The following CLSTN2 variants were observed in gnomAD, a reference collection of about 807,000 sequenced individuals.
CLSTN2 encodes the protein calsyntenin-2.
A neutral mutation model predicts 101.2 loss-of-function variants in CLSTN2; 48 were observed. The ratio of observed to expected loss-of-function variants is 0.47; its 90% CI spans 0.38 to 0.60. CLSTN2 has a LOEUF of 0.60. Among genes scored for constraint, CLSTN2 ranks in the 20% least tolerant of loss-of-function variants. The probability of loss-of-function intolerance (pLI) is 0.00; values close to 1 mark genes in which losing one functional copy is unlikely to be tolerated. For missense variants in CLSTN2, 1,160 were observed against 1,238.2 expected (o/e 0.94, Z 0.95); for synonymous variants, 481 against 463.6 (o/e 1.04, Z -0.48).
chr3:140,528,866 T>G (rs551146834), intron 8 of CLSTN2, among the ~76,000 whole-genome samples: 2 of 152,364 alleles, frequency 1.3e-5, no homozygotes, highest in African/African-American at 4.8e-5. Context: ...TTTTGTGTAC[T>G]TGATACAGCC....
intron 1 of CLSTN2, among the ~76,000 whole-genome samples, chr3:140,123,167 G>A (rs923344115): frequency 1.4e-4 from 18 of 128,256 alleles, no homozygotes; most frequent in East Asian, 2.8e-4. Flanking sequence ...CCTCCAGGGC[G>A]GGGGGGTGGG....
chr3:140,166,181 C>T (rs1419769925), intron 1 of CLSTN2, among the ~76,000 whole-genome samples: 1 of 152,164 alleles, frequency 6.6e-6, no homozygotes, highest in Non-Finnish European at 1.5e-5. Flanking sequence ...ATTTCAAGTG[C>T]CCATTGCCAA....
intron 5 of CLSTN2, among the ~76,000 whole-genome samples, chr3:140,422,997 C>T (rs775412802): frequency 1.3e-5 from 2 of 152,086 alleles, no homozygotes; most frequent in Non-Finnish European, 2.9e-5. Context: ...GAAGAGAAAA[C>T]CTGGAAAGTA....
chr3:140,297,472 T>C (rs2087014702), intron 2 of CLSTN2, among the ~76,000 whole-genome samples: 1 of 152,216 alleles, frequency 6.6e-6, no homozygotes, highest in Non-Finnish European at 1.5e-5. Context: ...AATGAGCTGG[T>C]GAATTAGTCA....
chr3:140,484,058 T>C (rs1207078184), intron 8 of CLSTN2, among the ~76,000 whole-genome samples: 17 of 152,212 alleles, frequency 1.1e-4, no homozygotes, highest in African/African-American at 3.9e-4. Context: ...TTCCTAGCCT[T>C]GATGGTCTTT....
chr3:139,953,220 G>A (rs533223774), intron 1 of CLSTN2, among the ~76,000 whole-genome samples: 4 of 152,072 alleles, frequency 2.6e-5, no homozygotes, highest in Non-Finnish European at 4.4e-5. Flanking sequence ...TCTATCATAT[G>A]GGCAGGGCAT....
intron 2 of CLSTN2, among the ~76,000 whole-genome samples, chr3:140,321,226 G>T (rs1483619800): frequency 6.6e-6 from 1 of 152,140 alleles, no homozygotes; most frequent in Non-Finnish European, 1.5e-5. Context: ...AGAAGAGTTA[G>T]AAAGGGTCTA....
intron 9 of CLSTN2, among the ~76,000 whole-genome samples, chr3:140,533,588 G>A (rs1044106106): frequency 3.3e-5 from 5 of 151,878 alleles, no homozygotes; most frequent in African/African-American, 1.2e-4. Context: ...GCGGGTGCTT[G>A]TAGTCCCAGC....
intron 8 of CLSTN2, among the ~76,000 whole-genome samples, chr3:140,479,163 G>A (rs1385925780): frequency 6.6e-6 from 1 of 152,168 alleles, no homozygotes; most frequent in Non-Finnish European, 1.5e-5. Flanking sequence ...ACTGTTCACT[G>A]CAAAGGAGAC....
At chr3:139,937,293 A>G (rs1184232617) in intron 1 of CLSTN2, among the ~76,000 whole-genome samples, 1 of 152,178 alleles carries the variant, frequency 6.6e-6, no homozygotes, top group East Asian at 1.9e-4. Flanking sequence ...TCAGAATGGG[A>G]AGCTTCATAG....
intron 2 of CLSTN2, among the ~76,000 whole-genome samples, chr3:140,214,145 T>C (rs1559808308): frequency 2.0e-5 from 3 of 148,438 alleles, no homozygotes; most frequent in African/African-American, 7.4e-5. Context: ...TCCTTATCTA[T>C]AAAAAAAAAA....
chr3:140,254,267 AG>A (rs1283060841), intron 2 of CLSTN2, among the ~76,000 whole-genome samples: 1 of 152,166 alleles, frequency 6.6e-6, no homozygotes, highest in African/African-American at 2.4e-5. Flanking sequence ...TATATGAGTG[AG>A]GGGATTCTGC....
At chr3:140,148,420 G>T (rs1425038998) in intron 1 of CLSTN2, among the ~76,000 whole-genome samples, 2 of 152,158 alleles carry the variant, frequency 1.3e-5, no homozygotes, top group African/African-American at 4.8e-5. Context: ...ACTCACTGTG[G>T]TTAGTTTGGA....
At chr3:140,373,741 G>A (rs1276177396) in intron 2 of CLSTN2, among the ~76,000 whole-genome samples, 1 of 152,200 alleles carries the variant, frequency 6.6e-6, no homozygotes, top group African/African-American at 2.4e-5. Context: ...CTGACTGTTG[G>A]TAAGTCAGGA....
At chr3:140,146,658 GATCTT>G (rs1285938095) in intron 1 of CLSTN2, among the ~76,000 whole-genome samples, 1 of 152,210 alleles carries the variant, frequency 6.6e-6, no homozygotes, top group Non-Finnish European at 1.5e-5. Flanking sequence ...AAGAAGAAAA[GATCTT>G]AGTCCAAAAG....
intron 2 of CLSTN2, among the ~76,000 whole-genome samples, chr3:140,296,314 T>A (rs920222212): frequency 3.9e-5 from 6 of 152,234 alleles, no homozygotes; most frequent in African/African-American, 1.4e-4. Context: ...TATGTAGATC[T>A]AAAATGTTGA....
intron 1 of CLSTN2, among the ~76,000 whole-genome samples, chr3:140,045,110 A>G (rs1560078114): frequency 6.6e-6 from 1 of 152,174 alleles, no homozygotes; most frequent in Non-Finnish European, 1.5e-5. Flanking sequence ...GAATGGTACC[A>G]GCTCCTCCTT....
At chr3:140,297,890 C>T (rs975170468) in intron 2 of CLSTN2, among the ~76,000 whole-genome samples, 1 of 152,114 alleles carries the variant, frequency 6.6e-6, no homozygotes, top group Non-Finnish European at 1.5e-5. Flanking sequence ...CCTGATAAAC[C>T]CATTGAAAGT....
chr3:140,365,394 C>T (rs1385794009), intron 2 of CLSTN2, among the ~76,000 whole-genome samples: 2 of 152,034 alleles, frequency 1.3e-5, no homozygotes, highest in African/African-American at 4.8e-5. Context: ...TTCAAGGAGA[C>T]CCACTACAGG....
Sources: gnomAD v4.1 joint callset for allele counts (sites outside exome capture counted in the v4.1 genomes callset) on GRCh38, gnomAD v4.1.1 for gene constraint, MANE v1.5 for transcripts, NCBI Gene and HGNC (gene_info 2026-07-23, HGNC 2026-07-21) for gene names.